GABRB1: variants seen among roughly 807,000 people sequenced by gnomAD.
The protein encoded by GABRB1 is gamma-aminobutyric acid type A receptor subunit beta1.
In GABRB1, 17 loss-of-function variants were observed where a neutral mutation model predicts 51.6. The ratio of observed to expected loss-of-function variants is 0.33; its 90% CI spans 0.23 to 0.49. GABRB1 has a LOEUF of 0.49. Ranked by LOEUF, GABRB1 falls within the 20% of genes least tolerant of loss-of-function variation. The probability of loss-of-function intolerance (pLI) is 0.99; values close to 1 mark genes in which losing one functional copy is unlikely to be tolerated. For synonymous variants in GABRB1, 247 were observed against 218.9 expected (o/e 1.13, Z -1.14); for missense variants, 410 against 600.6 (o/e 0.68, Z 3.32).
chr4:47,120,541 G>C (rs920382106), intron 3 of GABRB1, among the ~76,000 whole-genome samples: 5 of 152,044 alleles, frequency 3.3e-5, no homozygotes, highest in Non-Finnish European at 7.4e-5. Context: ...CAAGCAGATG[G>C]AGTCTCTCCT....
intron 4 of GABRB1, among the ~76,000 whole-genome samples, chr4:47,245,706 C>T (rs1721711548): frequency 6.6e-6 from 1 of 151,990 alleles, no homozygotes; most frequent in African/African-American, 2.4e-5. Flanking sequence ...TCCATTATTC[C>T]TAAAGAGTTA....
At chr4:47,388,466 T>A (rs764394921) in intron 5 of GABRB1, among the ~76,000 whole-genome samples, 2 of 152,142 alleles carry the variant, frequency 1.3e-5, no homozygotes, top group Non-Finnish European at 2.9e-5. Flanking sequence ...AGGTCCTAGA[T>A]CTGGTTGGAA....
intron 8 of GABRB1, among the ~76,000 whole-genome samples, chr4:47,411,645 T>G (rs1253035086): frequency 6.6e-6 from 1 of 152,204 alleles, no homozygotes; most frequent in African/African-American, 2.4e-5. Flanking sequence ...CTATACACAC[T>G]TTATGTCAAT....
At chr4:47,364,097 A>G (rs1186373978) in intron 5 of GABRB1, among the ~76,000 whole-genome samples, 1 of 152,246 alleles carries the variant, frequency 6.6e-6, no homozygotes, top group African/African-American at 2.4e-5. Flanking sequence ...AACTGCATGC[A>G]TCAGAGACAC....
At chr4:47,216,377 A>G (rs1421480902) in intron 4 of GABRB1, among the ~76,000 whole-genome samples, 1 of 151,944 alleles carries the variant, frequency 6.6e-6, no homozygotes, top group Non-Finnish European at 1.5e-5. Flanking sequence ...TGGTGATTGT[A>G]GAAAACATGT....
intron 7 of GABRB1, among the ~76,000 whole-genome samples, chr4:47,405,725 A>T (rs889999370): frequency 6.6e-6 from 1 of 152,162 alleles, no homozygotes; most frequent in East Asian, 1.9e-4. Flanking sequence ...ACTGTACAAC[A>T]CTATACAAAT....
intron 5 of GABRB1, among the ~76,000 whole-genome samples, chr4:47,383,301 C>T (rs1727656551): frequency 6.6e-6 from 1 of 152,094 alleles, no homozygotes; most frequent in Non-Finnish European, 1.5e-5. Flanking sequence ...GACACAAGAG[C>T]TTGGTAGAAT....
chr4:47,320,224 C>G lies in GABRB1; in HGVS notation c.544+15C>G, dbSNP rs1459869819. 1 of 1,492,134 alleles carries G rather than the reference C, an allele frequency of 6.7e-7. No homozygotes were observed. Among genetic ancestry groups the G allele is most frequent in the South Asian group, 1.1e-5 (1 of 88,642 alleles). The allele number at this position is 1,492,134 out of a possible 1,614,324, so 92.4% of individuals were successfully genotyped here. A position where few individuals can be genotyped will look rare whatever the true frequency, so the allele number is the denominator to read the frequency against. On this transcript the variant is annotated intron_variant, in intron 5 of 8. Coordinates refer to ENST00000295454, the MANE Select transcript of GABRB1 (RefSeq NM_000812.4). ...GATCGAAAGTTGTGAGTTACTTGGA[C>G]AGGGGAATGAAAAAGAGGGATTCTT...
chr4:47,288,778 T>A (rs1723611433), intron 4 of GABRB1, among the ~76,000 whole-genome samples: 1 of 152,186 alleles, frequency 6.6e-6, no homozygotes, highest in South Asian at 2.1e-4. Context: ...TTATCACAAC[T>A]GAGAAAAGAG....
intron 4 of GABRB1, among the ~76,000 whole-genome samples, chr4:47,296,665 C>A (rs1724009619): frequency 6.6e-6 from 1 of 152,146 alleles, no homozygotes; most frequent in South Asian, 2.1e-4. Context: ...TAATGGGAGA[C>A]TTTAACACCC....
chr4:47,167,401 C>G (rs1718234060), intron 4 of GABRB1, among the ~76,000 whole-genome samples: 1 of 151,194 alleles, frequency 6.6e-6, no homozygotes, highest in Non-Finnish European at 1.5e-5. Context: ...AGCATTTAAC[C>G]TCCTTGAAAA....
intron 4 of GABRB1, among the ~76,000 whole-genome samples, chr4:47,268,915 A>T (rs1408397032): frequency 6.6e-6 from 1 of 152,176 alleles, no homozygotes; most frequent in Non-Finnish European, 1.5e-5. Context: ...TTTATACAAA[A>T]ATCCATTTTG....
At chr4:47,197,442 A>T (rs750573352) in intron 4 of GABRB1, among the ~76,000 whole-genome samples, 5 of 152,138 alleles carry the variant, frequency 3.3e-5, no homozygotes, top group African/African-American at 7.2e-5. Context: ...TGTTGACCTG[A>T]TGGAGTGGCT....
chr4:47,293,555 T>C (rs74623759), intron 4 of GABRB1, among the ~76,000 whole-genome samples: 4,463 of 152,208 alleles, frequency 0.029, 88 homozygotes, highest in African/African-American at 0.053. Flanking sequence ...AAGATATCTA[T>C]AGATATAGAT....
chr4:47,008,089 G>T (rs1209173157), intron 1 of GABRB1, among the ~76,000 whole-genome samples: 1 of 151,916 alleles, frequency 6.6e-6, no homozygotes, highest in East Asian at 1.9e-4. Flanking sequence ...GAAATAAGAG[G>T]AAAGATTAGA....
intron 3 of GABRB1, among the ~76,000 whole-genome samples, chr4:47,038,489 C>T (rs1725693609): frequency 6.6e-6 from 1 of 152,154 alleles, no homozygotes; most frequent in Admixed American, 6.5e-5. Context: ...TGCTCCACCA[C>T]AACTGAAGTA....
intron 8 of GABRB1, 90 bp from the exon 9 acceptor site, chr4:47,425,584 T>C (rs1729254082): frequency 1.0e-6 from 1 of 991,700 alleles, no homozygotes; most frequent in Non-Finnish European, 1.5e-6. Context: ...CAGTGTTTAA[T>C]GAGCCTTATG....
At chr4:47,074,721 C>T (rs1368067246) in intron 3 of GABRB1, among the ~76,000 whole-genome samples, 1 of 152,010 alleles carries the variant, frequency 6.6e-6, no homozygotes, top group East Asian at 1.9e-4. Flanking sequence ...GACTTTTGAG[C>T]CTTACCTAGC....
At chr4:47,387,951 A>G (rs1199911205) in intron 5 of GABRB1, among the ~76,000 whole-genome samples, 1 of 152,184 alleles carries the variant, frequency 6.6e-6, no homozygotes, top group East Asian at 1.9e-4. Flanking sequence ...GAAATTTAAG[A>G]GGAGTTGGAC....
Sources: allele counts gnomAD v4.1 joint callset (sites outside exome capture counted in the v4.1 genomes callset), GRCh38; gene constraint gnomAD v4.1.1; transcripts MANE v1.5; gene names NCBI Gene and HGNC (gene_info 2026-07-23, HGNC 2026-07-21).